The following PPME1 variants were observed in gnomAD, a reference collection of about 807,000 sequenced individuals.
PPME1 encodes protein phosphatase methylesterase 1, also known as testicular secretory protein Li 39.
In PPME1, 17 loss-of-function variants were observed where a neutral mutation model predicts 56.9. That is an observed-to-expected ratio of 0.30 (90% CI 0.20 to 0.45). The LOEUF (loss-of-function observed/expected upper bound fraction) is 0.45, where lower values mean the gene tolerates loss of function less well. Ranked by LOEUF, PPME1 falls within the 20% of genes least tolerant of loss-of-function variation. PPME1 has a pLI of 1.00. For missense variants in PPME1, 357 were observed against 483.2 expected (o/e 0.74, Z 2.45); for synonymous variants, 122 against 156.2 (o/e 0.78, Z 1.63).
chr11:74,200,354 G>GTT (rs1319416437), intron 1 of PPME1, among the ~76,000 whole-genome samples: 2 of 125,036 alleles, frequency 1.6e-5, no homozygotes, highest in East Asian at 2.3e-4. Flanking sequence ...ACAGTCATGT[G>GTT]TTTTGTGTGT....
intron 1 of PPME1, among the ~76,000 whole-genome samples, chr11:74,190,176 A>G (rs979946687): frequency 1.3e-5 from 2 of 152,214 alleles, no homozygotes; most frequent in Non-Finnish European, 2.9e-5. Context: ...TCTCATCCCT[A>G]GAGGACCCAC....
At position 74,203,211 on chromosome 11, in the gene PPME1, G is replaced by T. The variant is rs560601628; in HGVS notation, c.102-517G>T. Among the ~76,000 whole-genome samples the T allele has an allele frequency of 2.0e-5, 3 of 152,272 alleles. No homozygotes were observed. The East Asian group carries it at 5.8e-4, about 29-fold the overall frequency. On this transcript the variant is annotated intron_variant, in intron 1 of 13. Coordinates refer to ENST00000328257, the MANE Select transcript of PPME1 (RefSeq NM_016147.3). ...TAAGTTGAAGGTATTGATATTGCCA[G>T]TTTGCCTTCCATGGAGGTTGTATAT...
intron 9 of PPME1, among the ~76,000 whole-genome samples, chr11:74,242,411 G>T (rs886524452): frequency 6.6e-6 from 1 of 152,182 alleles, no homozygotes; most frequent in Admixed American, 6.5e-5. Context: ...CAGACAGTGT[G>T]TAAGTCCTCC....
chr11:74,242,878 C>CAAAAAA (rs5792649), intron 9 of PPME1, among the ~76,000 whole-genome samples: 2 of 61,372 alleles, frequency 3.3e-5, no homozygotes, highest in Admixed American at 2.0e-4. Context: ...GACTCTGTCT[C>CAAAAAA]AAAAAAAAAA....
intron 4 of PPME1, among the ~76,000 whole-genome samples, chr11:74,223,834 T>C (rs1346647599): frequency 6.7e-6 from 1 of 148,754 alleles, no homozygotes; most frequent in Non-Finnish European, 1.5e-5. Context: ...TTGTAGATTC[T>C]GGATATTAGC....
chr11:74,208,091 A>G (rs182567665), intron 3 of PPME1, among the ~76,000 whole-genome samples: 232 of 152,272 alleles, frequency 1.5e-3, no homozygotes, highest in Non-Finnish European at 2.9e-3. Context: ...AAGCGGGCAG[A>G]TCACAAGGTC....
chr11:74,229,335 T>A (rs200209880), intron 5 of PPME1, among the ~76,000 whole-genome samples: 51 of 152,048 alleles, frequency 3.4e-4, no homozygotes, highest in South Asian at 4.2e-4. Flanking sequence ...AGCCTAAAAA[T>A]ATATATATAT....
At chr11:74,205,777 G>T (rs1331513638) in intron 3 of PPME1, 1 of 152,066 alleles carries the variant, frequency 6.6e-6, no homozygotes, top group African/African-American at 2.4e-5. Flanking sequence ...CTTACTCTAG[G>T]ATAAATTGTG....
chr11:74,200,398 TGTGG>T (rs1006864049), intron 1 of PPME1, among the ~76,000 whole-genome samples: 10 of 132,198 alleles, frequency 7.6e-5, no homozygotes, highest in South Asian at 2.5e-4. Context: ...TGTGTGTGTG[TGTGG>T]ACGAAGTCTC....
chr11:74,244,363 T>C (rs1255218985), intron 9 of PPME1, among the ~76,000 whole-genome samples: 1 of 152,234 alleles, frequency 6.6e-6, no homozygotes, highest in Admixed American at 6.5e-5. Flanking sequence ...TTCTTATTGG[T>C]TGAACTATTT....
Position 74,251,915 on chromosome 11 carries a change from G to A in PPME1, c.1142+200G>A, listed in dbSNP as rs553283714. On this transcript the variant is annotated intron_variant, in intron 13 of 13. Coordinates refer to ENST00000328257, the MANE Select transcript of PPME1 (RefSeq NM_016147.3). ...TTGTTTCTTTGTGCTGTGCTCCCAC[G>A]GGTTGATGCTGAGGCTGTGATTAAA... 31 of 768,450 alleles carry A rather than the reference G, an allele frequency of 4.0e-5. No individual in the cohort carries two copies. The East Asian group carries it at 6.6e-4, about 16-fold the overall frequency. The allele number at this position is 768,450 out of a possible 1,614,324, so 47.6% of individuals were successfully genotyped here. A position where few individuals can be genotyped will look rare whatever the true frequency, so the allele number is the denominator to read the frequency against.
chr11:74,189,365 C>T (rs1314383251), intron 1 of PPME1, among the ~76,000 whole-genome samples: 3 of 152,208 alleles, frequency 2.0e-5, no homozygotes, highest in Admixed American at 2.0e-4. Flanking sequence ...TCATGGCTCA[C>T]TGCAGCCTTG....
At chr11:74,251,440 C>A in intron 12 of PPME1, 1 of 1,409,210 alleles carries the variant, frequency 7.1e-7, no homozygotes. Context: ...TCCTCTTGAG[C>A]TCTATGGAGC....
At chr11:74,223,515 C>T (rs1858854622) in intron 4 of PPME1, among the ~76,000 whole-genome samples, 1 of 135,480 alleles carries the variant, frequency 7.4e-6, no homozygotes, top group African/African-American at 3.5e-5. Flanking sequence ...GAGGAATCGC[C>T]ACACTGACTT....
In PPME1 at chr11:74,230,304, T is replaced by C; in HGVS notation, c.458T>C (p.Ile153Thr). ...GACCTTCCTCCTCCAATTATGCTGA[T>C]TGGACATAGCATGGGTGGTGCTATT... The part of the protein sequence containing the change: ...YGDLPPPIML[I>T]GHSMGGAIAV... The change falls in exon 6 of 14, where the codon ATT becomes ACT. Residue 153 changes from isoleucine to threonine, a missense_variant. Transcript: ENST00000328257. This position sits in a 1 kb window ranked among gnomAD's most constrained non-coding sequence, Gnocchi z 4.9. 3.1e-6 allele frequency: 5 copies of C among 1,613,724 alleles called. No homozygotes were observed. Among genetic ancestry groups the C allele is most frequent in the Non-Finnish European group, 4.2e-6 (5 of 1,179,716 alleles).
At position 74,253,596 on chromosome 11, in the gene PPME1, C is replaced by G; in HGVS notation, c.*86C>G. The G allele has an allele frequency of 7.0e-7, 1 of 1,435,616 alleles. No individual in the cohort carries two copies. Among genetic ancestry groups the G allele is most frequent in the South Asian group, 1.1e-5 (1 of 87,196 alleles). The allele number at this position is 1,435,616 out of a possible 1,614,324, so 88.9% of individuals were successfully genotyped here. A position where few individuals can be genotyped will look rare whatever the true frequency, so the allele number is the denominator to read the frequency against. ...CCACTGTGATGCCACTGTCTCCTCT[C>G]CATCCCGCCCAGCCATGTGACACTG... On this transcript the variant is annotated 3_prime_UTR_variant, in exon 14 of 14. Coordinates refer to ENST00000328257, the MANE Select transcript of PPME1 (RefSeq NM_016147.3).
At chr11:74,240,181 CT>C (rs910601484) in intron 9 of PPME1, among the ~76,000 whole-genome samples, 16 of 151,200 alleles carry the variant, frequency 1.1e-4, no homozygotes, top group East Asian at 1.9e-4. Flanking sequence ...CACCTTAGCA[CT>C]TTTTTTTTGA....
At chr11:74,196,947 A>G (rs1164136993) in intron 1 of PPME1, among the ~76,000 whole-genome samples, 1 of 152,224 alleles carries the variant, frequency 6.6e-6, no homozygotes, top group African/African-American at 2.4e-5. Context: ...AAACACCTAG[A>G]GGCTAGGAAT....
intron 1 of PPME1, among the ~76,000 whole-genome samples, chr11:74,175,820 A>G (rs1473060263): frequency 6.6e-6 from 1 of 152,214 alleles, no homozygotes; most frequent in South Asian, 2.1e-4. Flanking sequence ...TAAATGAGAA[A>G]ACTGAAATGT....
Sources: allele counts gnomAD v4.1 joint callset (sites outside exome capture counted in the v4.1 genomes callset), GRCh38; gene constraint gnomAD v4.1.1; non-coding constraint Gnocchi (gnomAD v3.1); transcripts MANE v1.5; gene names NCBI Gene and HGNC (gene_info 2026-07-23, HGNC 2026-07-21).